MCC: variants seen among roughly 807,000 people sequenced by gnomAD.
MCC encodes the protein MCC regulator of Wnt signaling pathway.
In MCC, 90 loss-of-function variants were observed where a neutral mutation model predicts 116.2. That is an observed-to-expected ratio of 0.77 (90% confidence interval 0.65 to 0.92). MCC has a LOEUF of 0.92. MCC is among the 40% of genes least tolerant of loss of function. The pLI is 0.00. For synonymous variants in MCC, 578 were observed against 510.5 expected, an observed-to-expected ratio of 1.13 and a Z score of -1.78; for missense variants, 1,516 against 1,312.2, an observed-to-expected ratio of 1.16 and a Z score of -2.40.
intron 2 of MCC, among the ~76,000 whole-genome samples, chr5:113,356,357 A>G (rs11953906): frequency 0.032 from 4,812 of 148,626 alleles, 238 homozygotes; most frequent in African/African-American, 0.11. Flanking sequence ...TGCCAGCAAA[A>G]TATATATTCT....
chr5:113,105,771 C>CAAAGTGG (rs1265674385), intron 6 of MCC, among the ~76,000 whole-genome samples: 2 of 152,216 alleles, frequency 1.3e-5, no homozygotes, highest in Non-Finnish European at 2.9e-5. Flanking sequence ...ACGCGGTCAC[C>CAAAGTGG]AAAGTGGGCC....
At chr5:113,066,488 TA>T (rs964580471) in intron 13 of MCC, among the ~76,000 whole-genome samples, 1 of 151,928 alleles carries the variant, frequency 6.6e-6, no homozygotes, top group African/African-American at 2.4e-5. Context: ...TAATACTATT[TA>T]AAAAAAACCA....
chr5:113,441,479 T>C (rs1771039508), intron 1 of MCC, among the ~76,000 whole-genome samples: 1 of 151,974 alleles, frequency 6.6e-6, no homozygotes, highest in African/African-American at 2.4e-5. Context: ...ATGTGGTCTC[T>C]ATCACTTATT....
chr5:113,319,874 C>T (rs1767377113), intron 3 of MCC, among the ~76,000 whole-genome samples: 1 of 152,210 alleles, frequency 6.6e-6, no homozygotes, highest in South Asian at 2.1e-4. Context: ...GCTGGAAGTT[C>T]TTAGTGCCTT....
At chr5:113,215,561 T>C (rs1329723379) in intron 3 of MCC, among the ~76,000 whole-genome samples, 2 of 152,112 alleles carry the variant, frequency 1.3e-5, no homozygotes, top group African/African-American at 2.4e-5. Flanking sequence ...AGACGGTTCA[T>C]GGGCTGGCGG....
At chr5:113,091,584 T>C (rs769951177) in intron 8 of MCC, among the ~76,000 whole-genome samples, 4 of 152,182 alleles carry the variant, frequency 2.6e-5, no homozygotes, top group Non-Finnish European at 4.4e-5. Context: ...CACCAAATCT[T>C]AAAAGCCTTC....
At chr5:113,239,618 A>T (rs1004034603) in intron 3 of MCC, among the ~76,000 whole-genome samples, 2 of 152,164 alleles carry the variant, frequency 1.3e-5, no homozygotes, top group Admixed American at 6.5e-5. Context: ...TAATGTCCAG[A>T]TGGGGAAGAG....
At chr5:113,331,633 G>C (rs1158005436) in intron 3 of MCC, among the ~76,000 whole-genome samples, 1 of 150,168 alleles carries the variant, frequency 6.7e-6, no homozygotes, top group East Asian at 1.9e-4. Context: ...GTTTTGTTTT[G>C]TTTTGTTTTG....
chr5:113,194,051 G>A (rs1486610939), intron 3 of MCC, among the ~76,000 whole-genome samples: 4 of 152,160 alleles, frequency 2.6e-5, no homozygotes, highest in Non-Finnish European at 2.9e-5. Context: ...ACAAACTGAA[G>A]AAACAGCACT....
At chr5:113,101,254 C>G (rs1173686910) in intron 8 of MCC, among the ~76,000 whole-genome samples, 1 of 151,862 alleles carries the variant, frequency 6.6e-6, no homozygotes, top group East Asian at 1.9e-4. Context: ...CAAGATATGG[C>G]TATTTTAACT....
At chr5:113,170,188 T>C (rs1760998777) in intron 3 of MCC, among the ~76,000 whole-genome samples, 1 of 152,226 alleles carries the variant, frequency 6.6e-6, no homozygotes, top group Non-Finnish European at 1.5e-5. Flanking sequence ...TGTCTTAATC[T>C]AAATTTCTTT....
chr5:113,139,073 G>A (rs191083996), intron 5 of MCC, among the ~76,000 whole-genome samples: 2 of 152,196 alleles, frequency 1.3e-5, no homozygotes, highest in Non-Finnish European at 2.9e-5. Flanking sequence ...CTCAAGCTTA[G>A]CCACTACAAC....
chr5:113,142,253 T>C (rs1212109552), intron 5 of MCC, among the ~76,000 whole-genome samples: 1 of 151,538 alleles, frequency 6.6e-6, no homozygotes, highest in Non-Finnish European at 1.5e-5. Flanking sequence ...CTGAAACTGT[T>C]TTAAAATTGT....
At chr5:113,307,392 T>G (rs867382311) in intron 3 of MCC, among the ~76,000 whole-genome samples, 5 of 152,224 alleles carry the variant, frequency 3.3e-5, no homozygotes, top group African/African-American at 1.2e-4. Flanking sequence ...CCTAAGTATT[T>G]TATTCTTTTT....
intron 2 of MCC, among the ~76,000 whole-genome samples, chr5:113,380,196 G>A (rs1234489123): frequency 6.6e-6 from 1 of 152,118 alleles, no homozygotes; most frequent in Non-Finnish European, 1.5e-5. Flanking sequence ...CTATTAAACC[G>A]AAGTTTTTCT....
intron 11 of MCC, among the ~76,000 whole-genome samples, chr5:113,072,058 T>G (rs1754078372): frequency 1.3e-5 from 2 of 152,232 alleles, no homozygotes; most frequent in African/African-American, 4.8e-5. Context: ...ATCCTTCAGC[T>G]TCTCCGTTTT....
chr5:113,232,382 A>G (rs1763968077), intron 3 of MCC, among the ~76,000 whole-genome samples: 1 of 152,214 alleles, frequency 6.6e-6, no homozygotes, highest in Non-Finnish European at 1.5e-5. Flanking sequence ...TCAATCTTCC[A>G]GAATTGGATG....
intron 6 of MCC, among the ~76,000 whole-genome samples, chr5:113,119,437 G>A (rs576317337): frequency 1.8e-4 from 27 of 152,330 alleles, no homozygotes; most frequent in Admixed American, 1.6e-3. Flanking sequence ...GGAACAGCCA[G>A]CACAGAGCCC....
chr5:113,066,651 A>G (rs1753622792), intron 13 of MCC, among the ~76,000 whole-genome samples: 1 of 152,224 alleles, frequency 6.6e-6, no homozygotes, highest in Non-Finnish European at 1.5e-5. Context: ...GAAGGAGGAA[A>G]CACATGTGAG....
Sources: gnomAD v4.1 joint callset for allele counts (sites outside exome capture counted in the v4.1 genomes callset) on GRCh38, gnomAD v4.1.1 for gene constraint, MANE v1.5 for transcripts, NCBI Gene and HGNC (gene_info 2026-07-23, HGNC 2026-07-21) for gene names.